Variants in KCNH7 observed in about 807,000 individuals in gnomAD.
KCNH7 encodes the protein potassium voltage-gated channel subfamily H member 7, also known as voltage-gated inwardly rectifying potassium channel KCNH7.
Under a neutral mutation model 120.8 loss-of-function variants are expected in KCNH7, and 49 were observed. The ratio of observed to expected loss-of-function variants is 0.41; its 90% CI spans 0.32 to 0.51. The LOEUF (loss-of-function observed/expected upper bound fraction) is 0.51, where lower values mean the gene tolerates loss of function less well. KCNH7 is among the 20% of genes least tolerant of loss of function. KCNH7 has a pLI of 0.38. For synonymous variants in KCNH7, 547 were observed against 516.1 expected, an observed-to-expected ratio of 1.06 and a Z score of -0.81; for missense variants, 1,097 against 1,446.6, an observed-to-expected ratio of 0.76 and a Z score of 3.92.
chr2:162,753,708 T>G (rs983157541), intron 2 of KCNH7, among the ~76,000 whole-genome samples: 4 of 152,194 alleles, frequency 2.6e-5, no homozygotes, highest in African/African-American at 9.6e-5. Context: ...TATTTCATTT[T>G]ATAGTTTTTA....
chr2:162,404,636 C>A (rs945421331), intron 9 of KCNH7, among the ~76,000 whole-genome samples: 26 of 151,966 alleles, frequency 1.7e-4, no homozygotes, highest in African/African-American at 6.0e-4. Context: ...GCTCCCTTTT[C>A]ACCTTCTGCC....
chr2:162,381,614 G>C (rs970051120), intron 13 of KCNH7, among the ~76,000 whole-genome samples: 1 of 152,066 alleles, frequency 6.6e-6, no homozygotes, highest in African/African-American at 2.4e-5. Context: ...GAAAAATATA[G>C]GATCAGAGTT....
intron 9 of KCNH7, among the ~76,000 whole-genome samples, chr2:162,411,712 TTTAA>T (rs1687396501): frequency 6.6e-6 from 1 of 151,918 alleles, no homozygotes; most frequent in South Asian, 2.1e-4. Flanking sequence ...TTAACACTTC[TTTAA>T]TTAAATCAAC....
At chr2:162,525,064 T>C (rs1691653080) in intron 3 of KCNH7, among the ~76,000 whole-genome samples, 1 of 151,942 alleles carries the variant, frequency 6.6e-6, no homozygotes, top group Non-Finnish European at 1.5e-5. Flanking sequence ...GGGAGTCCAC[T>C]GACCTAGTAA....
intron 2 of KCNH7, among the ~76,000 whole-genome samples, chr2:162,573,021 C>T (rs1693543699): frequency 6.6e-6 from 1 of 151,832 alleles, no homozygotes; most frequent in South Asian, 2.1e-4. Context: ...ACATTGTGCT[C>T]ATGTACCCTT....
At chr2:162,529,189 G>A (rs193098824) in intron 3 of KCNH7, among the ~76,000 whole-genome samples, 2 of 152,026 alleles carry the variant, frequency 1.3e-5, no homozygotes, top group East Asian at 2.0e-4. Context: ...GGGTCTTTAC[G>A]CTGTAAGTAA....
At chr2:162,483,469 A>G (rs1689994800) in intron 6 of KCNH7, among the ~76,000 whole-genome samples, 1 of 152,136 alleles carries the variant, frequency 6.6e-6, no homozygotes, top group Admixed American at 6.5e-5. Context: ...ATTATTGGCA[A>G]CATTTAGAAA....
chr2:162,604,324 G>T (rs1011299756), intron 2 of KCNH7, among the ~76,000 whole-genome samples: 1 of 151,946 alleles, frequency 6.6e-6, no homozygotes, highest in Admixed American at 6.6e-5. Context: ...TTTCAATACG[G>T]TTCAATAATG....
intron 3 of KCNH7, among the ~76,000 whole-genome samples, chr2:162,535,827 A>G (rs1161646137): frequency 2.0e-5 from 3 of 151,836 alleles, no homozygotes; most frequent in African/African-American, 7.2e-5. Context: ...AGATAGATCA[A>G]CAGAACAGAA....
intron 2 of KCNH7, among the ~76,000 whole-genome samples, chr2:162,638,491 C>T (rs1011477698): frequency 6.6e-6 from 1 of 151,944 alleles, no homozygotes; most frequent in Non-Finnish European, 1.5e-5. Context: ...TGTTACTGAA[C>T]CTTACTGATA....
Position 162,394,427 on chromosome 2 carries a change from C to G in KCNH7, c.2672G>C (p.Arg891Thr), listed in dbSNP as rs1686841850. The change falls in exon 12 of 16, where the codon AGA (arginine) becomes ACA (threonine). Residue 891 changes from arginine to threonine, a missense_variant. Transcript: ENST00000332142. ...NDSEGDNCKL[R>T]RRKLSFESEG... ...ACTTTCAAATGACAATTTCCTTCTTCTTAGTTTACAGTTGTCTCCTTCTGA... is the reference window on the plus strand; with the variant it reads ...ACTTTCAAATGACAATTTCCTTCTTGTTAGTTTACAGTTGTCTCCTTCTGA... 4 of 1,606,292 alleles carry G rather than the reference C, an allele frequency of 2.5e-6. No homozygotes were observed. The highest frequency in any genetic ancestry group is 3.4e-6 in the Non-Finnish European group (4 of 1,173,974).
At chr2:162,430,285 T>C (rs1483075536) in intron 8 of KCNH7, among the ~76,000 whole-genome samples, 1 of 152,070 alleles carries the variant, frequency 6.6e-6, no homozygotes, top group East Asian at 1.9e-4. Context: ...GTTTAGCTTA[T>C]AGTACTTCTG....
intron 6 of KCNH7, among the ~76,000 whole-genome samples, chr2:162,501,285 T>C (rs1442824629): frequency 2.0e-5 from 3 of 152,050 alleles, no homozygotes; most frequent in Admixed American, 6.6e-5. Context: ...TCATTGTATT[T>C]TTTACACTGT....
Position 162,384,933 on chromosome 2 carries a change from C to T in KCNH7, c.2717G>A (p.Ser906Asn), listed in dbSNP as rs1254747164. The T allele has an allele frequency of 6.3e-7, 1 of 1,598,002 alleles. No homozygotes were observed. The highest frequency in any genetic ancestry group is 1.4e-5 in the African/African-American group (1 of 73,884). The change falls in exon 13 of 16, where the codon AGT (serine) becomes AAT (asparagine). Residue 906 changes from serine (S) to asparagine (N), a missense_variant. Physicochemically the swap from Ser to Asn is conservative, Grantham distance 46 (BLOSUM62 1). Transcript: ENST00000332142. ...TGCAGAGTCTTCAGGATCATTTGTA[C>T]TGTTTTCTTTGCCAAAATATATCAA... is the stretch of plus-strand genomic sequence containing the variant. ...SFESEGEKEN[S>N]TNDPEDSADT... is the part of the protein sequence containing the mutation.
At chr2:162,755,894 C>T (rs1688771938) in intron 2 of KCNH7, among the ~76,000 whole-genome samples, 1 of 151,976 alleles carries the variant, frequency 6.6e-6, no homozygotes, top group Non-Finnish European at 1.5e-5. Flanking sequence ...GTATACTCAA[C>T]CAGAGTGATA....
intron 2 of KCNH7, among the ~76,000 whole-genome samples, chr2:162,581,133 T>G (rs1390918547): frequency 6.6e-6 from 1 of 152,018 alleles, no homozygotes; most frequent in Non-Finnish European, 1.5e-5. Flanking sequence ...CAACTGAAAT[T>G]TGATAGATCC....
chr2:162,401,433 A>G (rs779606496), intron 9 of KCNH7, among the ~76,000 whole-genome samples: 1 of 151,932 alleles, frequency 6.6e-6, no homozygotes, highest in Non-Finnish European at 1.5e-5. Context: ...TTACAGTGCA[A>G]TGATGCAATT....
At chr2:162,782,009 A>T (rs1683512789) in intron 2 of KCNH7, among the ~76,000 whole-genome samples, 1 of 152,234 alleles carries the variant, frequency 6.6e-6, no homozygotes, top group South Asian at 2.1e-4. Flanking sequence ...TAATTTTGAA[A>T]TATGGCATTT....
rs374582778 is a variant in KCNH7 at position 162,836,628 on chromosome 2, G to T, written c.216C>A (p.Pro72=). 2.5e-6 allele frequency: 4 copies of T among 1,613,938 alleles called. No individual in the cohort carries two copies. In the African/African-American group the frequency reaches 5.3e-5, roughly 22 times the overall value. ...KPCTCDFLHG[P]ETKRHDIAQI... ...GGGCAATATCATGCCTCTTGGTCTC[G>T]GGTCCATGGAGAAAGTCGCAGGTGC... Residue 72 remains proline, a synonymous_variant, in exon 2 of 16, where the codon CCC becomes CCA. Transcript: ENST00000332142.
Sources: allele counts gnomAD v4.1 joint callset (sites outside exome capture counted in the v4.1 genomes callset), GRCh38; gene constraint gnomAD v4.1.1; transcripts MANE v1.5; gene names NCBI Gene and HGNC (gene_info 2026-07-23, HGNC 2026-07-21).